The following LRRTM4 variants were observed in gnomAD, a reference collection of about 807,000 sequenced individuals.
LRRTM4 encodes the protein leucine rich repeat transmembrane neuronal 4, also known as leucine-rich repeat transmembrane neuronal protein 4.
LRRTM4 carries 25 observed loss-of-function variants against 47.6 expected under a neutral mutation model. That is an observed-to-expected ratio of 0.53 (90% CI 0.38 to 0.73). The LOEUF (loss-of-function observed/expected upper bound fraction) is 0.73. Ranked by LOEUF, LRRTM4 falls within the 30% of genes least tolerant of loss-of-function variation. The pLI is 0.00. For missense variants in LRRTM4, 638 were observed against 713.4 expected (o/e 0.89, Z 1.20); for synonymous variants, 311 against 269.5 (o/e 1.15, Z -1.51).
At chr2:76,792,624 G>T (rs1325617756) in intron 3 of LRRTM4, among the ~76,000 whole-genome samples, 1 of 151,974 alleles carries the variant, frequency 6.6e-6, no homozygotes, top group Non-Finnish European at 1.5e-5. Context: ...CTGCTTTATG[G>T]GTAGTAATGT....
intron 3 of LRRTM4, among the ~76,000 whole-genome samples, chr2:76,773,342 A>G (rs563836318): frequency 6.6e-6 from 1 of 152,240 alleles, no homozygotes; most frequent in South Asian, 2.1e-4. Flanking sequence ...TGCTTCCAGC[A>G]AAGTTCTGTT....
intron 3 of LRRTM4, among the ~76,000 whole-genome samples, chr2:77,356,940 T>C (rs1193355858): frequency 1.3e-5 from 2 of 152,202 alleles, no homozygotes; most frequent in African/African-American, 4.8e-5. Context: ...TTAATGGTCA[T>C]AATTATGAAA....
chr2:77,041,442 G>A (rs1413037755), intron 3 of LRRTM4, among the ~76,000 whole-genome samples: 1 of 151,428 alleles, frequency 6.6e-6, no homozygotes, highest in Non-Finnish European at 1.5e-5. Flanking sequence ...CTACTAGTGA[G>A]ACAGCCAGAT....
At chr2:76,781,348 C>T (rs868712830) in intron 3 of LRRTM4, among the ~76,000 whole-genome samples, 1 of 151,926 alleles carries the variant, frequency 6.6e-6, no homozygotes, top group South Asian at 2.1e-4. Flanking sequence ...ACCCCTCCCC[C>T]AGCCTGGCTG....
At chr2:77,461,135 C>T (rs562301913) in intron 3 of LRRTM4, among the ~76,000 whole-genome samples, 1,057 of 94,382 alleles carry the variant, frequency 0.011, 14 homozygotes, top group African/African-American at 0.036. Flanking sequence ...TTTACATACA[C>T]AGTGAGAGAG....
intron 3 of LRRTM4, among the ~76,000 whole-genome samples, chr2:77,087,171 A>C (rs916370024): frequency 3.3e-5 from 5 of 152,236 alleles, no homozygotes; most frequent in East Asian, 1.9e-4. Flanking sequence ...GACAGGAAAC[A>C]ACCTCACAGC....
intron 3 of LRRTM4, among the ~76,000 whole-genome samples, chr2:76,825,269 T>G (rs1671159497): frequency 6.6e-6 from 1 of 151,612 alleles, no homozygotes; most frequent in African/African-American, 2.4e-5. Flanking sequence ...GAGTACAAGT[T>G]AAAGCAGAGA....
chr2:77,465,963 TC>T (rs1438008916), intron 3 of LRRTM4, among the ~76,000 whole-genome samples: 5 of 150,330 alleles, frequency 3.3e-5, no homozygotes, highest in African/African-American at 1.2e-4. Context: ...GGACTGTTTT[TC>T]CTTTGCACTT....
intron 3 of LRRTM4, among the ~76,000 whole-genome samples, chr2:77,171,608 T>C (rs1323256104): frequency 3.3e-5 from 5 of 151,998 alleles, no homozygotes; most frequent in Non-Finnish European, 5.9e-5. Context: ...TAAGTATGCA[T>C]ATAAATATAA....
At chr2:77,000,822 A>G (rs553234440) in intron 3 of LRRTM4, among the ~76,000 whole-genome samples, 175 of 152,180 alleles carry the variant, frequency 1.1e-3, no homozygotes, top group African/African-American at 3.9e-3. Flanking sequence ...CTTTTCCTGA[A>G]ATCAATCCCT....
chr2:77,066,351 C>T (rs967091318), intron 3 of LRRTM4, among the ~76,000 whole-genome samples: 2 of 152,126 alleles, frequency 1.3e-5, no homozygotes, highest in African/African-American at 2.4e-5. Context: ...GACAACAGTG[C>T]CATGTAGTAA....
intron 3 of LRRTM4, among the ~76,000 whole-genome samples, chr2:76,803,077 A>G (rs55884368): frequency 0.11 from 17,138 of 152,150 alleles, 1,145 homozygotes; most frequent in Non-Finnish European, 0.14. Context: ...TGAACAAAAA[A>G]GTATGGGTAA....
rs548075388 is a variant in LRRTM4, at chr2:77,060,454, A to G, written c.1552-311538T>C. On this transcript the variant is annotated intron_variant, in intron 3 of 3. Coordinates refer to ENST00000409884, the MANE Select transcript of LRRTM4 (RefSeq NM_001134745.3). ...TCTTTGTAAAAAGAGATTTAGGTAA[A>G]TATGTTTGGGAATTTAAAAAATATT... 3.3e-5 allele frequency among the ~76,000 whole-genome samples: 5 copies of G among 152,292 alleles called. No homozygotes were observed. In the East Asian group the frequency reaches 9.6e-4, roughly 29 times the overall value.
chr2:77,084,586 T>C (rs773507017), intron 3 of LRRTM4, among the ~76,000 whole-genome samples: 18 of 152,344 alleles, frequency 1.2e-4, no homozygotes, highest in Admixed American at 1.1e-3. Context: ...TCCCCTGCTG[T>C]ACATCTACAT....
intron 3 of LRRTM4, among the ~76,000 whole-genome samples, chr2:76,807,437 C>CATATATATATACATATATATATACATAT (rs1558667459): frequency 5.8e-5 from 2 of 34,284 alleles, no homozygotes; most frequent in African/African-American, 3.3e-4. Context: ...TATATATATA[C>CATATATATATACATATATATATACATAT]GTATATACAT....
chr2:77,424,971 G>A (rs1034051397), intron 3 of LRRTM4, among the ~76,000 whole-genome samples: 3 of 152,028 alleles, frequency 2.0e-5, no homozygotes, highest in Non-Finnish European at 4.4e-5. Context: ...GTTTTAAGTG[G>A]AATATGAAAC....
At chr2:76,974,063 G>C (rs1410134083) in intron 3 of LRRTM4, among the ~76,000 whole-genome samples, 1 of 150,570 alleles carries the variant, frequency 6.6e-6, no homozygotes, top group East Asian at 2.0e-4. Flanking sequence ...CTTAGAGAAA[G>C]GTTTTACCAT....
chr2:76,912,733 C>G (rs1436673871), intron 3 of LRRTM4, among the ~76,000 whole-genome samples: 3 of 152,244 alleles, frequency 2.0e-5, no homozygotes, highest in African/African-American at 7.2e-5. Flanking sequence ...GGTTTAACAC[C>G]ATCTCCCCTT....
intron 3 of LRRTM4, among the ~76,000 whole-genome samples, chr2:76,754,637 G>A (rs1672964395): frequency 6.6e-6 from 1 of 152,078 alleles, no homozygotes; most frequent in Non-Finnish European, 1.5e-5. Context: ...TTCCACTTAT[G>A]GTAGATTACA....
Sources: gnomAD v4.1 joint callset for allele counts (sites outside exome capture counted in the v4.1 genomes callset) on GRCh38, gnomAD v4.1.1 for gene constraint, MANE v1.5 for transcripts, NCBI Gene and HGNC (gene_info 2026-07-23, HGNC 2026-07-21) for gene names.